C6: variants seen among roughly 807,000 people sequenced by gnomAD.
C6 encodes the protein complement component C6.
In C6, 101 loss-of-function variants were observed where a neutral mutation model predicts 112.9. That is an observed-to-expected ratio of 0.89 (90% CI 0.76 to 1.06). C6 has a LOEUF of 1.06. Ranked by LOEUF, C6 falls within the 50% of genes least tolerant of loss-of-function variation. The probability of loss-of-function intolerance (pLI) is 0.00; values close to 1 mark genes in which losing one functional copy is unlikely to be tolerated. For synonymous variants in C6, 431 were observed against 384.1 expected (o/e 1.12, Z -1.43); for missense variants, 1,202 against 1,104.6 (o/e 1.09, Z -1.25).
chr5:41,182,643 CTCT>C (rs1749447671), intron 6 of C6, among the ~76,000 whole-genome samples: 1 of 152,182 alleles, frequency 6.6e-6, no homozygotes, highest in African/African-American at 2.4e-5. Flanking sequence ...ATTTCTCCTC[CTCT>C]ATTGTTTTCA....
chr5:41,178,104 T>C (rs1184642739), intron 7 of C6, among the ~76,000 whole-genome samples: 1 of 152,202 alleles, frequency 6.6e-6, no homozygotes, highest in Non-Finnish European at 1.5e-5. Context: ...TACTTGCTGG[T>C]TCATGATACC....
At chr5:41,184,450 CA>C (rs531057005) in intron 6 of C6, among the ~76,000 whole-genome samples, 134 of 151,162 alleles carry the variant, frequency 8.9e-4, no homozygotes, top group African/African-American at 3.1e-3. Context: ...TGTTTAACTC[CA>C]ATAAGCCTAA....
intron 4 of C6, among the ~76,000 whole-genome samples, chr5:41,198,629 G>A (rs1379636182): frequency 1.3e-5 from 2 of 152,158 alleles, no homozygotes; most frequent in Non-Finnish European, 2.9e-5. Context: ...GATCAGCTGT[G>A]CTTACACTGC....
At chr5:41,233,642 G>A (rs1740046232) in intron 1 of C6, among the ~76,000 whole-genome samples, 1 of 151,986 alleles carries the variant, frequency 6.6e-6, no homozygotes, top group African/African-American at 2.4e-5. Flanking sequence ...TTGTAGATTT[G>A]TAATAAGCAC....
chr5:41,201,713 G>T lies in C6; in HGVS notation c.145C>A (p.Gln49Lys), dbSNP rs762098368. The stretch of plus-strand genomic sequence containing the variant: ...TGGTAGTACTTATCTACTACTATTT[G>T]TCTGTAACCATGAAGAAGAAGTTGC... ...CNSGTQSRHR[Q>K]IVVDKYYQEN... The change falls in exon 3 of 18, where the codon CAA becomes AAA. Residue 49 changes from glutamine to lysine, a missense_variant and splice_region_variant. Gln to Lys is a moderately conservative substitution (Grantham distance 53). Transcript: ENST00000337836. The T allele has an allele frequency of 3.7e-6, 6 of 1,613,032 alleles. No homozygotes were observed. The highest frequency in any genetic ancestry group is 1.3e-5 in the African/African-American group (1 of 74,962).
In C6 at chr5:41,186,097, C is replaced by G; in HGVS notation, c.699G>C (p.Pro233=). The G allele has an allele frequency of 1.2e-6, 2 of 1,613,898 alleles. No homozygotes were observed. The part of the protein sequence containing the change: ...SSRTSNPYRV[P]ANLENVGFEV... ...CAAAGCCGACATTTTCCAGATTGGCCGGAACACGGTATGGATTACTTGTCC... is the reference window on the plus strand; with the variant it reads ...CAAAGCCGACATTTTCCAGATTGGCGGGAACACGGTATGGATTACTTGTCC... The change falls in exon 6 of 18, where the codon CCG becomes CCC. Residue 233 remains proline, a synonymous_variant. Coordinates refer to ENST00000337836, the MANE Select transcript of C6 (RefSeq NM_000065.5).
chr5:41,155,946 GT>G (rs1334720845), intron 13 of C6, among the ~76,000 whole-genome samples: 19 of 151,678 alleles, frequency 1.3e-4, no homozygotes, highest in Admixed American at 1.2e-3. Flanking sequence ...ATTTAAAAAT[GT>G]TACTCAATTC....
intron 1 of C6, among the ~76,000 whole-genome samples, chr5:41,226,746 T>A (rs553324573): frequency 9.9e-5 from 15 of 152,142 alleles, no homozygotes; most frequent in African/African-American, 3.6e-4. Flanking sequence ...TTTAGTGTAG[T>A]GTCCTCCAGG....
intron 7 of C6, among the ~76,000 whole-genome samples, chr5:41,177,536 T>C (rs1017274324): frequency 6.6e-6 from 1 of 152,186 alleles, no homozygotes; most frequent in Non-Finnish European, 1.5e-5. Flanking sequence ...CTCTCAATTT[T>C]AACAAATTGT....
intron 13 of C6, among the ~76,000 whole-genome samples, chr5:41,156,404 CT>C (rs537521756): frequency 1.0e-3 from 155 of 152,312 alleles, no homozygotes; most frequent in African/African-American, 3.4e-3. Context: ...AGCCCCACCC[CT>C]GATCCTTTAG....
In C6 at chr5:41,183,287, A is replaced by G. The variant is rs370480892; in HGVS notation, c.727-1728T>C. Among the ~76,000 whole-genome samples, 5 of 152,332 alleles carry G rather than the reference A, an allele frequency of 3.3e-5. No individual in the cohort carries two copies. The East Asian group carries it at 9.6e-4, about 29-fold the overall frequency. ...ATTGAAAAGTGATCAATTTTGAGCA[A>G]TTATAACCTTTGTTTTTAATGTGTT... On this transcript the variant is annotated intron_variant, in intron 6 of 17. Transcript: ENST00000337836.
At chr5:41,164,230 GAGTT>G (rs1465721125) in intron 9 of C6, among the ~76,000 whole-genome samples, 1 of 152,190 alleles carries the variant, frequency 6.6e-6, no homozygotes, top group Non-Finnish European at 1.5e-5. Context: ...AACAATTACT[GAGTT>G]AGGAAAATGA....
chr5:41,193,531 A>G (rs528103372), intron 5 of C6, among the ~76,000 whole-genome samples: 22 of 152,288 alleles, frequency 1.4e-4, no homozygotes, highest in African/African-American at 5.3e-4. Context: ...GTGTGTATGC[A>G]TGTATTTTCA....
intron 1 of C6, among the ~76,000 whole-genome samples, chr5:41,243,246 A>AATC (rs1740836564): frequency 2.6e-5 from 4 of 152,350 alleles, no homozygotes; most frequent in African/African-American, 9.6e-5. Context: ...TGTATTCATA[A>AATC]ATCATAACAT....
chr5:41,153,805 C>A lies in C6; in HGVS notation c.2290+5G>T. 1 of 1,610,012 alleles carries A rather than the reference C, an allele frequency of 6.2e-7. No individual in the cohort carries two copies. The highest frequency in any genetic ancestry group is 8.5e-7 in the Non-Finnish European group (1 of 1,177,316). ...CAGACCCCAGAACACTGAGCTGCTA[C>A]TCACCTTTTTCACAGGTGAGAGAGT... On this transcript the variant is annotated splice_donor_5th_base_variant and intron_variant, in intron 15 of 17. Coordinates refer to ENST00000337836, the MANE Select transcript of C6 (RefSeq NM_000065.5).
chr5:41,161,756 C>T lies in C6; in HGVS notation c.1395G>A (p.Glu465=). The change falls in exon 10 of 18, where the codon GAG becomes GAA. Residue 465 remains glutamate (E), a synonymous_variant. Coordinates refer to ENST00000337836, the MANE Select transcript of C6 (RefSeq NM_000065.5). ...LAWEKGSSGL[E]EKTFSEWLES... ...CTAACCACTCAGAAAATGTCTTCTC[C>T]TCCAGACCAGAGCTCCCTTTCTCCC... 2 of 1,613,644 alleles carry T rather than the reference C, an allele frequency of 1.2e-6. No individual in the cohort carries two copies. Among genetic ancestry groups the T allele is most frequent in the East Asian group, 2.2e-5 (1 of 44,838 alleles).
At position 41,194,509 on chromosome 5, in the gene C6, A is replaced by G. The variant is rs1469232805; in HGVS notation, c.587+1283T>C. 3.2e-4 allele frequency among the ~76,000 whole-genome samples: 48 copies of G among 152,134 alleles called. 1 individual carries two copies. The highest frequency in any genetic ancestry group is 7.3e-5 in the Non-Finnish European group (5 of 68,030). ...ATTTTCTGGGTTTTATTCTAAATCA[A>G]ATAAGGTTGTATTTGCAATTGTGGC... On this transcript the variant is annotated intron_variant, in intron 5 of 17. Coordinates refer to ENST00000337836, the MANE Select transcript of C6 (RefSeq NM_000065.5).
At chr5:41,233,778 C>T (rs1373579524) in intron 1 of C6, among the ~76,000 whole-genome samples, 3 of 152,004 alleles carry the variant, frequency 2.0e-5, no homozygotes, top group Non-Finnish European at 4.4e-5. Flanking sequence ...ACAGCAAAAT[C>T]CAAATGAGAC....
At chr5:41,196,085 G>A (rs1021591895) in intron 4 of C6, 152 bp from the exon 5 acceptor site, 3 of 870,422 alleles carry the variant, frequency 3.4e-6, no homozygotes, top group Non-Finnish European at 5.5e-6. Flanking sequence ...CATAAAAATG[G>A]AGCGATAAAC....
Sources: allele counts gnomAD v4.1 joint callset (sites outside exome capture counted in the v4.1 genomes callset), GRCh38; gene constraint gnomAD v4.1.1; transcripts MANE v1.5; gene names NCBI Gene and HGNC (gene_info 2026-07-23, HGNC 2026-07-21).